Variants in KIF1A observed in about 807,000 individuals in gnomAD.
KIF1A encodes kinesin-like protein KIF1A.
A neutral mutation model predicts 227.3 loss-of-function variants in KIF1A; 46 were observed. The observed-to-expected ratio is 0.20, with a 90% CI of 0.16 to 0.26. The LOEUF is 0.26. KIF1A is among the 10% of genes least tolerant of loss of function. KIF1A has a pLI of 1.00. For missense variants in KIF1A, 1,683 were observed against 2,485.9 expected, an observed-to-expected ratio of 0.68 and a Z score of 6.87; for synonymous variants, 1,022 against 1,012.8, an observed-to-expected ratio of 1.01 and a Z score of -0.17.
intron 4 of KIF1A, among the ~76,000 whole-genome samples, chr2:240,787,736 C>T (rs1485272687): frequency 1.3e-5 from 2 of 152,182 alleles, no homozygotes; most frequent in African/African-American, 4.8e-5. Flanking sequence ...TCTCTGCCCA[C>T]ACTGCCAGCC....
At chr2:240,795,853 G>A (rs534085404) in intron 2 of KIF1A, among the ~76,000 whole-genome samples, 1 of 152,340 alleles carries the variant, frequency 6.6e-6, no homozygotes, top group East Asian at 1.9e-4. Flanking sequence ...TCAGGGGCAG[G>A]AGGGTCCCAT....
chr2:240,782,433 C>A (rs1220869153), intron 10 of KIF1A, among the ~76,000 whole-genome samples, 157 bp downstream of exon 10: 1 of 152,178 alleles, frequency 6.6e-6, no homozygotes, highest in East Asian at 1.9e-4. Flanking sequence ...ACGGGGCCTC[C>A]CACACCCGCT....
Position 240,737,793 on chromosome 2 carries a change from G to A in KIF1A, c.3902-625C>T, listed in dbSNP as rs1036309547. ...GCTTCACCTAGTAATTTCTTGGCCAGACAGTGACAGTTCTGCTCATTCAAA... is the reference window on the plus strand; with the variant it reads ...GCTTCACCTAGTAATTTCTTGGCCAAACAGTGACAGTTCTGCTCATTCAAA... On this transcript the variant is annotated intron_variant, in intron 37 of 48. Coordinates refer to ENST00000498729, the MANE Select transcript of KIF1A (RefSeq NM_001244008.2). 2.6e-5 allele frequency among the ~76,000 whole-genome samples: 4 copies of A among 152,366 alleles called. 1 individual carries two copies. In the East Asian group the frequency reaches 7.7e-4, roughly 29 times the overall value.
chr2:240,757,629 C>T lies in KIF1A; in HGVS notation c.2583-35G>A. ...GTGCGACAAGACAGAGAGAAGTTAA[C>T]ACCAGCGACTCGCAGGGACGAACAG... On this transcript the variant is annotated intron_variant, in intron 26 of 48. Transcript: ENST00000498729. The surrounding 1 kb of genome is among the most constrained non-coding windows in gnomAD (Gnocchi z 6.2). 6.5e-7 allele frequency: 1 copy of T among 1,545,308 alleles called. No homozygotes were observed. Among genetic ancestry groups the T allele is most frequent in the Non-Finnish European group, 8.7e-7 (1 of 1,144,048 alleles).
At chr2:240,767,455 C>T in intron 17 of KIF1A, 110 bp from the exon 18 acceptor site, 3 of 883,456 alleles carry the variant, frequency 3.4e-6, no homozygotes, top group Admixed American at 2.0e-5. Context: ...AGGGTCCCTG[C>T]CCCCGCACTT....
chr2:240,739,929 G>T lies in KIF1A; in HGVS notation c.3901+129C>A. The T allele has an allele frequency of 1.5e-6, 1 of 687,590 alleles. No homozygotes were observed. The allele number at this position is 687,590 out of a possible 1,614,324, so 42.6% of individuals were successfully genotyped here. ...AGGAAGTGAGTCACAGAGAGATTAT[G>T]TGACCCGGCCAGGGTCACGCAGCAA... On this transcript the variant is annotated intron_variant, in intron 37 of 48. Coordinates refer to ENST00000498729, the MANE Select transcript of KIF1A (RefSeq NM_001244008.2). The surrounding 1 kb of genome is among the most constrained non-coding windows in gnomAD (Gnocchi z 5.6).
chr2:240,806,882 A>G (rs1203872263), intron 1 of KIF1A, among the ~76,000 whole-genome samples: 1 of 152,164 alleles, frequency 6.6e-6, no homozygotes, highest in Non-Finnish European at 1.5e-5. Flanking sequence ...TGTTTAAAAG[A>G]TAATATCAGT....
At chr2:240,780,786 A>G (rs1373080622) in intron 10 of KIF1A, among the ~76,000 whole-genome samples, 7 of 129,286 alleles carry the variant, frequency 5.4e-5, no homozygotes, top group African/African-American at 2.4e-4. Flanking sequence ...ACACACACAC[A>G]CACACACAGC....
chr2:240,768,995 T>C, intron 17 of KIF1A, 138 bp downstream of exon 17: 2 of 732,658 alleles, frequency 2.7e-6, no homozygotes, highest in Non-Finnish European at 4.8e-6. Flanking sequence ...ATGGGTGAGC[T>C]TCACAGCCCC....
rs534367981 is a variant in KIF1A at position 240,780,798 on chromosome 2, C to CCA, written c.882+1790_882+1791dup. ...CACACACACACACACACACACAGCT[C>CCA]CACACACACACACACACACACACAC... On this transcript the variant is annotated intron_variant, in intron 10 of 48. Coordinates refer to ENST00000498729, the MANE Select transcript of KIF1A (RefSeq NM_001244008.2). 6.7e-3 allele frequency among the ~76,000 whole-genome samples: 235 copies of CCA among 34,930 alleles called. 9 individuals carry two copies. Among genetic ancestry groups the CCA allele is most frequent in the East Asian group, 0.054 (54 of 992 alleles). The allele number at this position is 34,930 out of a possible 152,430, so 22.9% of individuals were successfully genotyped here.
chr2:240,768,319 C>G (rs1262190681), intron 17 of KIF1A, among the ~76,000 whole-genome samples: 1 of 152,224 alleles, frequency 6.6e-6, no homozygotes, highest in African/African-American at 2.4e-5. Context: ...CCCATTAGGA[C>G]ACTGCCTGTC....
rs2053024760 is a variant in KIF1A at position 240,778,097 on chromosome 2, C to T, written c.883-2171G>A. Reference sequence around the variant, plus strand: ...ACGCACTTCCTCGCGTTTCTCCACACGGTTCTTCACGCAGCTCCTCCTGCT... The same window carrying T: ...ACGCACTTCCTCGCGTTTCTCCACATGGTTCTTCACGCAGCTCCTCCTGCT... On this transcript the variant is annotated intron_variant, in intron 10 of 48. Transcript: ENST00000498729. This position sits in a 1 kb window ranked among gnomAD's most constrained non-coding sequence, Gnocchi z 7.2. 1.3e-5 allele frequency among the ~76,000 whole-genome samples: 2 copies of T among 152,126 alleles called. No individual in the cohort carries two copies. The highest frequency in any genetic ancestry group is 2.9e-5 in the Non-Finnish European group (2 of 68,010).
intron 40 of KIF1A, chr2:240,724,913 AG>A: frequency 4.7e-6 from 1 of 212,372 alleles, no homozygotes; most frequent in South Asian, 5.7e-5. Flanking sequence ...CGTGGTCCTC[AG>A]GGAAGAAGGT....
chr2:240,772,616 G>A lies in KIF1A; in HGVS notation c.1181-20C>T, dbSNP rs1401685854. The A allele has an allele frequency of 1.3e-6, 2 of 1,528,488 alleles. No homozygotes were observed. The highest frequency in any genetic ancestry group is 1.8e-6 in the Non-Finnish European group (2 of 1,127,270). 94.7% of individuals were successfully genotyped at this position (1,528,488 alleles called of 1,614,324 possible). ...TGTTGGCTATGGGGGAGGGAAGCGT[G>A]GGGGAGGGGGAGAGACAGAGAAACA... On this transcript the variant is annotated intron_variant, in intron 13 of 48. Coordinates refer to ENST00000498729, the MANE Select transcript of KIF1A (RefSeq NM_001244008.2).
chr2:240,733,416 C>G (rs1411536178), intron 38 of KIF1A, among the ~76,000 whole-genome samples: 2 of 152,154 alleles, frequency 1.3e-5, no homozygotes, highest in Admixed American at 6.5e-5. Flanking sequence ...GGGCCGTGCT[C>G]CCTCCTCAGC....
At chr2:240,761,452 TC>T in intron 23 of KIF1A, 75 bp from the exon 24 acceptor site, 3 of 1,420,062 alleles carry the variant, frequency 2.1e-6, no homozygotes. Context: ...CTCTGGAAGG[TC>T]AGGCTGGTCG....
chr2:240,742,637 G>A (rs1288291907), intron 34 of KIF1A, among the ~76,000 whole-genome samples: 1 of 151,958 alleles, frequency 6.6e-6, no homozygotes, highest in Non-Finnish European at 1.5e-5. Flanking sequence ...CCACCTCTCT[G>A]CGTTCAGCTG....
intron 1 of KIF1A, among the ~76,000 whole-genome samples, chr2:240,798,353 C>T (rs187044669): frequency 6.6e-6 from 1 of 152,382 alleles, no homozygotes; most frequent in African/African-American, 2.4e-5. Flanking sequence ...AAGAACAGCA[C>T]AGACAGCCCT....
Position 240,778,706 on chromosome 2 carries a change from C to A in KIF1A, c.883-2780G>T, listed in dbSNP as rs1456259565. ...CAGCAGGTCCCCGCAGCTTCCCATC[C>A]AGCTCCTCACACTCCCCGACAACCC... On this transcript the variant is annotated intron_variant, in intron 10 of 48. Transcript: ENST00000498729. This position sits in a 1 kb window ranked among gnomAD's most constrained non-coding sequence, Gnocchi z 7.2. Among the ~76,000 whole-genome samples the A allele has an allele frequency of 6.6e-6, 1 of 151,736 alleles. No homozygotes were observed. The highest frequency in any genetic ancestry group is 2.4e-5 in the African/African-American group (1 of 41,244).
Sources: gnomAD v4.1 joint callset for allele counts (sites outside exome capture counted in the v4.1 genomes callset) on GRCh38, gnomAD v4.1.1 for gene constraint, Gnocchi (gnomAD v3.1) non-coding constraint, MANE v1.5 for transcripts, NCBI Gene and HGNC (gene_info 2026-07-23, HGNC 2026-07-21) for gene names.